Variants in FAM83H observed in about 807,000 individuals in gnomAD.
The protein encoded by FAM83H is protein FAM83H.
Under a neutral mutation model 30.2 loss-of-function variants are expected in FAM83H, and 24 were observed. The observed-to-expected ratio is 0.79, with a 90% CI of 0.57 to 1.12. FAM83H has a LOEUF of 1.12. Ranked by LOEUF, FAM83H falls within the 50% of genes most tolerant of loss-of-function variation. FAM83H has a pLI of 0.00. For synonymous variants in FAM83H, 1,013 were observed against 821.7 expected (o/e 1.23, Z -3.98); for missense variants, 2,038 against 1,773.9 (o/e 1.15, Z -2.67).
intron 1 of FAM83H, chr8:143,731,689 C>A: frequency 3.0e-6 from 3 of 985,476 alleles, no homozygotes; most frequent in Non-Finnish European, 3.6e-6. Flanking sequence ...CACTCCACAT[C>A]GCCCAAATCT....
In FAM83H at chr8:143,728,467, G is replaced by C. The variant is rs1180763616; in HGVS notation, c.994C>G (p.Pro332Ala). 1 of 1,552,212 alleles carries C rather than the reference G, an allele frequency of 6.4e-7. No individual in the cohort carries two copies. Among genetic ancestry groups the C allele is most frequent in the Non-Finnish European group, 8.7e-7 (1 of 1,147,654 alleles). ...AAGCCCAGGCCCTCTTCCCGGGGTG[G>C]CGGGAACAGGAGGTGCGCTCGTTTA... is the stretch of plus-strand genomic sequence containing the variant. ...FPKRAHLLFPPPREEGLGFPS... is the reference protein window; with the variant it reads ...FPKRAHLLFPAPREEGLGFPS... The change falls in exon 5 of 5, where the codon CCA (proline) becomes GCA (alanine). Residue 332 changes from proline (P) to alanine (A), a missense_variant. Coordinates refer to ENST00000388913, the MANE Select transcript of FAM83H (RefSeq NM_198488.5).
At position 143,726,484 on chromosome 8, in the gene FAM83H, T is replaced by C. The variant is rs910789209; in HGVS notation, c.2977A>G (p.Asn993Asp). 1.2e-6 allele frequency: 2 copies of C among 1,604,844 alleles called. No individual in the cohort carries two copies. The highest frequency in any genetic ancestry group is 1.7e-4 in the Middle Eastern group (1 of 6,060). The change falls in exon 5 of 5, where the codon AAC becomes GAC. Residue 993 changes from asparagine (N) to aspartate (D), a missense_variant. Physicochemically the swap from Asn to Asp is conservative, Grantham distance 23 (BLOSUM62 1). Transcript: ENST00000388913. Reference protein sequence around the residue: ...DEGGFPVPQENGQPESPRRLS... With the variant: ...DEGGFPVPQEDGQPESPRRLS... ...CGCCGCGGGCTCTCGGGTTGGCCGT[T>C]CTCCTGCGGCACTGGGAAGCCACCC...
Position 143,726,433 on chromosome 8 carries a change from T to G in FAM83H, c.3028A>C (p.Thr1010Pro). The G allele has an allele frequency of 6.2e-7, 1 of 1,603,236 alleles. No individual in the cohort carries two copies. Among genetic ancestry groups the G allele is most frequent in the Non-Finnish European group, 8.5e-7 (1 of 1,177,404 alleles). The change falls in exon 5 of 5, where the codon ACG becomes CCG. Residue 1010 changes from threonine to proline, a missense_variant. By Grantham distance (38) the Thr-to-Pro change is conservative. Coordinates refer to ENST00000388913, the MANE Select transcript of FAM83H (RefSeq NM_198488.5). Reference sequence around the variant, plus strand: ...CCCCGCTCTTCTGTGGCAGCCTCCGTGCTGTCACCCTGGCCCAGTGACAGA... The same window carrying G: ...CCCCGCTCTTCTGTGGCAGCCTCCGGGCTGTCACCCTGGCCCAGTGACAGA... ...RRLSLGQGDSTEAATEERGPR... is the reference protein window; with the variant it reads ...RRLSLGQGDSPEAATEERGPR...
intron 1 of FAM83H, 138 bp from the exon 2 acceptor site, chr8:143,730,735 G>T: frequency 1.5e-6 from 1 of 666,984 alleles, no homozygotes; most frequent in African/African-American, 1.8e-5. Context: ...AGGCCTTCCA[G>T]GGCACCAGCC....
rs782495339 is a variant in FAM83H, at chr8:143,729,048, C to G, written c.656G>C (p.Arg219Pro). Residue 219 changes from arginine to proline, a missense_variant, in exon 4 of 5, where the codon CGC becomes CCC. Arg to Pro is a moderately radical substitution (Grantham distance 103). Transcript: ENST00000388913. ...GTGGCCCTTGAAGGACTTCCCAGTGCGGCAGTAGTAGGTGGGGCCCGCCAC... is the reference window on the plus strand; with the variant it reads ...GTGGCCCTTGAAGGACTTCCCAGTGGGGCAGTAGTAGGTGGGGCCCGCCAC... ...RTVAGPTYYC[R>P]TGKSFKGHVK... 7.4e-6 allele frequency: 12 copies of G among 1,613,544 alleles called. No individual in the cohort carries two copies. Among genetic ancestry groups the G allele is most frequent in the Non-Finnish European group, 9.3e-6 (11 of 1,179,972 alleles).
In FAM83H at chr8:143,727,326, T is replaced by A; in HGVS notation, c.2135A>T (p.Glu712Val). Residue 712 changes from glutamate to valine, a missense_variant, in exon 5 of 5, where the codon GAG becomes GTG. Transcript: ENST00000388913. The part of the protein sequence containing the change: ...ATEKVQLLHK[E>V]QTVSETLGPG... ...CCCCAGCGTCTCGCTGACCGTCTGC[T>A]CCTTGTGCAGCAGCTGCACCTTCTC... The A allele has an allele frequency of 1.9e-6, 3 of 1,555,558 alleles. No homozygotes were observed. The South Asian group carries it at 3.5e-5, about 18-fold the overall frequency.
Position 143,728,481 on chromosome 8 carries a change from T to C in FAM83H, c.980A>G (p.His327Arg), listed in dbSNP as rs1554623434. The C allele has an allele frequency of 6.4e-7, 1 of 1,552,432 alleles. No individual in the cohort carries two copies. The highest frequency in any genetic ancestry group is 1.2e-5 in the South Asian group (1 of 84,446). ...TTCCCGGGGTGGCGGGAACAGGAGG[T>C]GCGCTCGTTTAGGGAAGGAGAAGGG... is the stretch of plus-strand genomic sequence containing the variant. Reference protein sequence around the residue: ...PTPFSFPKRAHLLFPPPREEG... With the variant: ...PTPFSFPKRARLLFPPPREEG... Residue 327 changes from histidine to arginine, a missense_variant, in exon 5 of 5, where the codon CAC (histidine) becomes CGC (arginine). Transcript: ENST00000388913.
In FAM83H at chr8:143,728,108, G is replaced by C. The variant is rs782005930; in HGVS notation, c.1353C>G (p.Asp451Glu). 3.7e-6 allele frequency: 6 copies of C among 1,611,050 alleles called. No individual in the cohort carries two copies. The highest frequency in any genetic ancestry group is 5.1e-6 in the Non-Finnish European group (6 of 1,179,300). The change falls in exon 5 of 5, where the codon GAC becomes GAG. Residue 451 changes from aspartate to glutamate, a missense_variant. Physicochemically the swap from Asp to Glu is conservative, Grantham distance 45. Transcript: ENST00000388913. The stretch of plus-strand genomic sequence containing the variant: ...ACTGGTACTGCTGCTGGTAGAGCTG[G>C]TCACGGTGGAAGTGGCTGGTCTGGA... Reference protein sequence around the residue: ...FRFQTSHFHRDQLYQQQYQWD... With the variant: ...FRFQTSHFHREQLYQQQYQWD...
At position 143,726,237 on chromosome 8, in the gene FAM83H, G is replaced by A. The variant is rs782190930; in HGVS notation, c.3224C>T (p.Pro1075Leu). ...THNSPELGRP[P>L]AAGVLAPDMS... ...ATCTGGGGCCAGGACGCCAGCAGCC[G>A]GTGGACGGCCTAGCTCGGGGCTGTT... Residue 1075 changes from proline to leucine, a missense_variant, in exon 5 of 5, where the codon CCG becomes CTG. By Grantham distance (98) the Pro-to-Leu change is moderately conservative (BLOSUM62 -3). Coordinates refer to ENST00000388913, the MANE Select transcript of FAM83H (RefSeq NM_198488.5). The A allele has an allele frequency of 1.6e-5, 26 of 1,612,226 alleles. No homozygotes were observed. The Admixed American group carries it at 2.5e-4, about 16-fold the overall frequency.
Position 143,725,010 on chromosome 8 carries a change from G to GA in FAM83H, c.*910_*911insT, listed in dbSNP as rs1818225029. On this transcript the variant is annotated 3_prime_UTR_variant, in exon 5 of 5. Transcript: ENST00000388913. ...CTTCTGGTCCAGCTCCCCCCCCCCTGCCCCACCCACCCCTTGCAAACTGCC... is the reference window on the plus strand; with the variant it reads ...CTTCTGGTCCAGCTCCCCCCCCCCTGACCCCACCCACCCCTTGCAAACTGCC... 1 of 100,164 alleles carries GA rather than the reference G, an allele frequency of 1.0e-5. No homozygotes were observed. The allele number at this position is 100,164 out of a possible 1,614,324, so 6.2% of individuals were successfully genotyped here. A position where few individuals can be genotyped will look rare whatever the true frequency, so the allele number is the denominator to read the frequency against.
chr8:143,730,986 T>G (rs2129695732), intron 1 of FAM83H, among the ~76,000 whole-genome samples: 1 of 152,144 alleles, frequency 6.6e-6, no homozygotes, highest in African/African-American at 2.4e-5. Context: ...TCCCAGGCAC[T>G]TGGGAAGCTG....
chr8:143,731,676 C>T (rs1188709976), intron 1 of FAM83H: 21 of 985,364 alleles, frequency 2.1e-5, no homozygotes, highest in Non-Finnish European at 2.4e-5. Flanking sequence ...CCTGCAGGGC[C>T]TGCACTCCAC....
Position 143,727,544 on chromosome 8 carries a change from C to T in FAM83H, c.1917G>A (p.Lys639=), listed in dbSNP as rs1554622652. ...AFRVPAAFPT[K]VPVPGPGSGG... Reference sequence around the variant, plus strand: ...CGCTGCCCGGGCCTGGCACCGGGACCTTGGTGGGGAAGGCTGCTGGGACGC... The same window carrying T: ...CGCTGCCCGGGCCTGGCACCGGGACTTTGGTGGGGAAGGCTGCTGGGACGC... Residue 639 remains lysine, a synonymous_variant, in exon 5 of 5, where the codon AAG becomes AAA. Coordinates refer to ENST00000388913, the MANE Select transcript of FAM83H (RefSeq NM_198488.5). 3 of 1,586,486 alleles carry T rather than the reference C, an allele frequency of 1.9e-6. No homozygotes were observed. The highest frequency in any genetic ancestry group is 2.3e-5 in the East Asian group (1 of 44,212).
chr8:143,730,642 A>G, intron 1 of FAM83H, 45 bp from the exon 2 acceptor site: 1 of 1,301,728 alleles, frequency 7.7e-7, no homozygotes, highest in South Asian at 1.5e-5. Context: ...GGGCACTGGG[A>G]CCACTCCTAC....
At chr8:143,729,432 A>T in intron 2 of FAM83H, 109 bp from the exon 3 acceptor site, 1 of 1,270,224 alleles carries the variant, frequency 7.9e-7, no homozygotes, top group Non-Finnish European at 1.1e-6. Context: ...GACCACTGTG[A>T]AACAAGCTAG....
Position 143,728,303 on chromosome 8 carries a change from C to G in FAM83H, c.1158G>C (p.Pro386=), listed in dbSNP as rs1225806209. 14 of 1,466,174 alleles carry G rather than the reference C, an allele frequency of 9.5e-6. No individual in the cohort carries two copies. In the South Asian group the frequency reaches 1.4e-4, roughly 14 times the overall value. The allele number at this position is 1,466,174 out of a possible 1,614,324, so 90.8% of individuals were successfully genotyped here. The change falls in exon 5 of 5, where the codon CCG becomes CCC. Residue 386 remains proline, a synonymous_variant. Transcript: ENST00000388913. The part of the protein sequence containing the change: ...LSRRLEAEAG[P]AGELAGARGF... Reference sequence around the variant, plus strand: ...CCCGCGCGCCCGCGAGCTCCCCAGCCGGCCCGGCCTCGGCCTCCAGGCGCC... The same window carrying G: ...CCCGCGCGCCCGCGAGCTCCCCAGCGGGCCCGGCCTCGGCCTCCAGGCGCC...
chr8:143,730,088 T>C, intron 2 of FAM83H, 48 bp downstream of exon 2: 1 of 1,458,592 alleles, frequency 6.9e-7, no homozygotes, highest in Non-Finnish European at 9.1e-7. Flanking sequence ...CCCCCGTGCC[T>C]CTAGCCCAGG....
Position 143,733,473 on chromosome 8 carries a change from C to G in FAM83H, c.-16+218G>C, listed in dbSNP as rs1227865593. 5.9e-5 allele frequency among the ~76,000 whole-genome samples: 9 copies of G among 152,044 alleles called. No homozygotes were observed. Among genetic ancestry groups the G allele is most frequent in the Non-Finnish European group, 8.8e-5 (6 of 67,968 alleles). ...TTTTCGGGCCGGCGTCGTGCGGGGG[C>G]GCTCGCGTCCATATCCGCACAGCGG... On this transcript the variant is annotated intron_variant, in intron 1 of 4. Coordinates refer to ENST00000388913, the MANE Select transcript of FAM83H (RefSeq NM_198488.5). This position sits in a 1 kb window ranked among gnomAD's most constrained non-coding sequence, Gnocchi z 5.6.
In FAM83H at chr8:143,726,561, A is replaced by G. The variant is rs565462126; in HGVS notation, c.2900T>C (p.Leu967Ser). 12 of 1,603,744 alleles carry G rather than the reference A, an allele frequency of 7.5e-6. No individual in the cohort carries two copies. The African/African-American group carries it at 1.2e-4, about 16-fold the overall frequency. ...GPMEVLRKGS[L>S]RLRQLLSPKG... The stretch of plus-strand genomic sequence containing the variant: ...GGGGCTCAGCAGCTGCCTAAGACGC[A>G]AGGAGCCTTTGCGCAGGACTTCCAT... The change falls in exon 5 of 5, where the codon TTG becomes TCG. Residue 967 changes from leucine (L) to serine (S), a missense_variant. Leu to Ser is a moderately radical substitution (Grantham distance 145). Coordinates refer to ENST00000388913, the MANE Select transcript of FAM83H (RefSeq NM_198488.5).
Sources: gnomAD v4.1 joint callset for allele counts (sites outside exome capture counted in the v4.1 genomes callset) on GRCh38, gnomAD v4.1.1 for gene constraint, Gnocchi (gnomAD v3.1) non-coding constraint, MANE v1.5 for transcripts, NCBI Gene and HGNC (gene_info 2026-07-23, HGNC 2026-07-21) for gene names.